PMFBP1: variants seen among roughly 807,000 people sequenced by gnomAD.
PMFBP1 encodes polyamine modulated factor 1 binding protein 1.
Under a neutral mutation model 137.8 loss-of-function variants are expected in PMFBP1, and 131 were observed. The ratio of observed to expected loss-of-function variants is 0.95; its 90% confidence interval spans 0.82 to 1.10. The LOEUF (loss-of-function observed/expected upper bound fraction) is 1.10, where lower values mean the gene tolerates loss of function less well. Among genes scored for constraint, PMFBP1 ranks in the 50% least tolerant of loss-of-function variants. The pLI, the probability that PMFBP1 is intolerant of heterozygous loss-of-function variation, is 0.00. For synonymous variants in PMFBP1, 490 were observed against 450.4 expected (o/e 1.09, Z -1.11); for missense variants, 1,199 against 1,175.4 (o/e 1.02, Z -0.29).
the PMFBP1 span, among the ~76,000 whole-genome samples, chr16:72,212,483 G>GAA: frequency 3.0e-5 from 4 of 132,692 alleles, no homozygotes; most frequent in Admixed American, 7.8e-5. Flanking sequence ...GGTTGTATTG[G>GAA]AAAAAAAAAA....
At chr16:72,208,309 C>T in the PMFBP1 span, among the ~76,000 whole-genome samples, 2 of 152,136 alleles carry the variant, frequency 1.3e-5, no homozygotes, top group Non-Finnish European at 2.9e-5. Context: ...AAGACACAGA[C>T]GACCCACTTG....
At chr16:72,162,264 C>A (rs1338219703) in intron 3 of PMFBP1, among the ~76,000 whole-genome samples, 2 of 152,164 alleles carry the variant, frequency 1.3e-5, no homozygotes, top group Admixed American at 1.3e-4. Context: ...AGCTTGTGCC[C>A]ATGAATTTTG....
At chr16:72,222,347 G>A in the PMFBP1 span, among the ~76,000 whole-genome samples, 2 of 152,250 alleles carry the variant, frequency 1.3e-5, no homozygotes, top group East Asian at 3.9e-4. Context: ...TCAGGTCACT[G>A]TATTTTCCAA....
At chr16:72,143,289 T>C (rs1007485472) in intron 5 of PMFBP1, among the ~76,000 whole-genome samples, 3 of 152,234 alleles carry the variant, frequency 2.0e-5, no homozygotes, top group Non-Finnish European at 2.9e-5. Context: ...AATTCCACTT[T>C]GCTCTAGAGA....
upstream of PMFBP1, among the ~76,000 whole-genome samples, chr16:72,181,245 A>AT (rs1567647449): frequency 1.4e-4 from 21 of 150,676 alleles, no homozygotes; most frequent in African/African-American, 4.6e-4. Flanking sequence ...CTCAAAAAAA[A>AT]AAAAATAATA....
At chr16:72,178,657 G>T (rs571997865), upstream of PMFBP1, among the ~76,000 whole-genome samples, 2 of 152,250 alleles carry the variant, frequency 1.3e-5, no homozygotes, top group South Asian at 4.1e-4. Context: ...AAATGTTCCA[G>T]CTTTGGCCAA....
intron 9 of PMFBP1, among the ~76,000 whole-genome samples, chr16:72,134,159 C>T (rs1247707326): frequency 6.6e-6 from 1 of 152,116 alleles, no homozygotes; most frequent in African/African-American, 2.4e-5. Flanking sequence ...TGCTCTAAGG[C>T]TTTTAAAAAA....
At chr16:72,210,278 G>A in the PMFBP1 span, among the ~76,000 whole-genome samples, 1 of 152,244 alleles carries the variant, frequency 6.6e-6, no homozygotes. Flanking sequence ...CAGCAGGAGA[G>A]TAGGAGGAGC....
At chr16:72,227,382 T>C in the PMFBP1 span, among the ~76,000 whole-genome samples, 4 of 152,282 alleles carry the variant, frequency 2.6e-5, no homozygotes, top group Admixed American at 2.0e-4. Context: ...ATGCTTCCAA[T>C]GATTAAAGGG....
chr16:72,127,729 A>G (rs954755701), intron 14 of PMFBP1, among the ~76,000 whole-genome samples: 2 of 152,242 alleles, frequency 1.3e-5, no homozygotes, highest in African/African-American at 4.8e-5. Flanking sequence ...ATGGTTTTAT[A>G]GGTGAATTTC....
chr16:72,125,020 C>A, intron 16 of PMFBP1, 86 bp from the exon 17 acceptor site: 1 of 1,514,654 alleles, frequency 6.6e-7, no homozygotes, highest in Non-Finnish European at 9.0e-7. Flanking sequence ...GCTTCCTGGG[C>A]CTTGGGATAC....
upstream of PMFBP1, among the ~76,000 whole-genome samples, chr16:72,174,358 A>G (rs2043248017): frequency 6.6e-6 from 1 of 152,220 alleles, no homozygotes; most frequent in South Asian, 2.1e-4. Context: ...TTAAAAATGA[A>G]TCAGTTCATG....
At chr16:72,134,351 T>G (rs531831739) in intron 9 of PMFBP1, among the ~76,000 whole-genome samples, 145 of 152,196 alleles carry the variant, frequency 9.5e-4, no homozygotes, top group Admixed American at 3.9e-3. Flanking sequence ...CTCAGCTAGT[T>G]TAAACATTTT....
chr16:72,154,478 A>G lies in PMFBP1; in HGVS notation c.166-19T>C. The G allele has an allele frequency of 6.2e-7, 1 of 1,609,530 alleles. No individual in the cohort carries two copies. Among genetic ancestry groups the G allele is most frequent in the South Asian group, 1.1e-5 (1 of 90,816 alleles). On this transcript the variant is annotated intron_variant, in intron 3 of 20. Transcript: ENST00000237353. ...TCTTGTCCTACCATAGAGACAGGAT[A>G]TACAAAAAAGGCTTTAGATCATCAC...
At chr16:72,185,329 T>C in the PMFBP1 span, among the ~76,000 whole-genome samples, 2 of 151,922 alleles carry the variant, frequency 1.3e-5, no homozygotes, top group African/African-American at 4.8e-5. Context: ...CAGCCTTGTG[T>C]CCTGTTTTCT....
Position 72,154,303 on chromosome 16 carries a change from A to C in PMFBP1, c.322T>G (p.Tyr108Asp). The C allele has an allele frequency of 6.2e-7, 1 of 1,614,156 alleles. No homozygotes were observed. Among genetic ancestry groups the C allele is most frequent in the South Asian group, 1.1e-5 (1 of 91,080 alleles). The stretch of plus-strand genomic sequence containing the variant: ...GACTGATACTGGCGGAGAGAATAGT[A>C]AGAAGTCTGCAACTCCTCTGTGTGA... ...EFHTEELQTS[Y>D]YSLRQYQSIL... The change falls in exon 4 of 21, where the codon TAC becomes GAC. Residue 108 changes from tyrosine (Y) to aspartate (D), a missense_variant. Tyr to Asp is a radical substitution (Grantham distance 160). Coordinates refer to ENST00000237353, the MANE Select transcript of PMFBP1 (RefSeq NM_031293.3).
At chr16:72,161,407 A>G (rs2043060339) in intron 3 of PMFBP1, among the ~76,000 whole-genome samples, 1 of 151,798 alleles carries the variant, frequency 6.6e-6, no homozygotes, top group Non-Finnish European at 1.5e-5. Flanking sequence ...CTTATCTGTT[A>G]TTTCTTATGT....
chr16:72,237,941 T>C, the PMFBP1 span, among the ~76,000 whole-genome samples: 1 of 152,350 alleles, frequency 6.6e-6, no homozygotes, highest in Middle Eastern at 3.4e-3. Context: ...GATAATGGCC[T>C]CTAGCTCCAT....
Position 72,124,867 on chromosome 16 carries a change from T to C in PMFBP1, c.2489A>G (p.Gln830Arg). The C allele has an allele frequency of 6.2e-7, 1 of 1,614,220 alleles. No homozygotes were observed. Among genetic ancestry groups the C allele is most frequent in the Non-Finnish European group, 8.5e-7 (1 of 1,180,038 alleles). Residue 830 changes from glutamine (Q) to arginine (R), a missense_variant, in exon 17 of 21, where the codon CAG becomes CGG. Coordinates refer to ENST00000237353, the MANE Select transcript of PMFBP1 (RefSeq NM_031293.3). Reference sequence around the variant, plus strand: ...GGCTGCCAGCATCTTGAGGTCATTCTGGTGTTGCTTCTGCCACTGCAGCAC... The same window carrying C: ...GGCTGCCAGCATCTTGAGGTCATTCCGGTGTTGCTTCTGCCACTGCAGCAC... ...CQVLQWQKQH[Q>R]NDLKMLAAKE...
Sources: gnomAD v4.1 joint callset for allele counts (sites outside exome capture counted in the v4.1 genomes callset) on GRCh38, gnomAD v4.1.1 for gene constraint, MANE v1.5 for transcripts, NCBI Gene and HGNC (gene_info 2026-07-23, HGNC 2026-07-21) for gene names.